Variants in ZC3H12D observed in about 807,000 individuals in gnomAD.
ZC3H12D encodes probable ribonuclease ZC3H12D.
Under a neutral mutation model 24.2 loss-of-function variants are expected in ZC3H12D, and 11 were observed. The observed-to-expected ratio is 0.46, with a 90% confidence interval of 0.29 to 0.75. The LOEUF is 0.75. Ranked by LOEUF, ZC3H12D falls within the 30% of genes least tolerant of loss-of-function variation. The pLI is 0.11. For synonymous variants in ZC3H12D, 333 were observed against 341.8 expected (o/e 0.97, Z 0.28); for missense variants, 740 against 767.7 (o/e 0.96, Z 0.43).
chr6:149,475,896 T>G (rs1776332560), intron 1 of ZC3H12D, among the ~76,000 whole-genome samples: 1 of 152,144 alleles, frequency 6.6e-6, no homozygotes, highest in South Asian at 2.1e-4. Flanking sequence ...CTCTCTTTTC[T>G]ACCCACAAAG....
intron 1 of ZC3H12D, among the ~76,000 whole-genome samples, chr6:149,476,276 G>A (rs917881757): frequency 6.6e-6 from 1 of 152,222 alleles, no homozygotes; most frequent in African/African-American, 2.4e-5. Context: ...GGAGGCTGAT[G>A]TGGGTGGATC....
At chr6:149,468,330 C>T (rs1008035128) in intron 2 of ZC3H12D, among the ~76,000 whole-genome samples, 26 of 152,172 alleles carry the variant, frequency 1.7e-4, no homozygotes, top group Admixed American at 1.3e-3. Flanking sequence ...AGTGGGTTGG[C>T]ACCCAAGGCA....
At chr6:149,454,955 C>A (rs1775956297) in intron 4 of ZC3H12D, among the ~76,000 whole-genome samples, 1 of 152,236 alleles carries the variant, frequency 6.6e-6, no homozygotes, top group Admixed American at 6.5e-5. Flanking sequence ...CACAGTACCC[C>A]CTGCTGCACC....
chr6:149,484,662 G>T (rs1322791197), intron 1 of ZC3H12D, among the ~76,000 whole-genome samples, 151 bp downstream of exon 1: 1 of 152,148 alleles, frequency 6.6e-6, no homozygotes, highest in Non-Finnish European at 1.5e-5. Context: ...TGAGAAATCA[G>T]ATTGTTCAGG....
At chr6:149,461,472 A>G (rs371072379) in intron 3 of ZC3H12D, among the ~76,000 whole-genome samples, 3 of 152,232 alleles carry the variant, frequency 2.0e-5, no homozygotes, top group East Asian at 1.9e-4. Flanking sequence ...CAAATCCTAT[A>G]AACTATTAGA....
At chr6:149,482,081 C>A (rs1206856126) in intron 1 of ZC3H12D, among the ~76,000 whole-genome samples, 1 of 152,248 alleles carries the variant, frequency 6.6e-6, no homozygotes, top group Non-Finnish European at 1.5e-5. Flanking sequence ...GGGGCACAGC[C>A]CACAGCCCGT....
intron 3 of ZC3H12D, 107 bp downstream of exon 3, chr6:149,461,724 C>A: frequency 7.8e-7 from 1 of 1,284,090 alleles, no homozygotes; most frequent in African/African-American, 1.5e-5. Context: ...GTGAGGAAGA[C>A]AAATATCATT....
intron 3 of ZC3H12D, among the ~76,000 whole-genome samples, chr6:149,460,692 T>A (rs1481196386): frequency 6.6e-6 from 1 of 151,992 alleles, no homozygotes; most frequent in African/African-American, 2.4e-5. Flanking sequence ...TAGCTGGGCG[T>A]GGTGGCACGC....
At chr6:149,463,110 T>G (rs1469696624) in intron 2 of ZC3H12D, among the ~76,000 whole-genome samples, 4 of 152,206 alleles carry the variant, frequency 2.6e-5, no homozygotes, top group Non-Finnish European at 5.9e-5. Flanking sequence ...CAAGACCCTC[T>G]CTTTAACTGA....
chr6:149,481,143 G>T (rs1776420286), intron 1 of ZC3H12D, among the ~76,000 whole-genome samples: 1 of 151,724 alleles, frequency 6.6e-6, no homozygotes. Context: ...TGCATCACAG[G>T]CAAACCCCAC....
Position 149,451,181 on chromosome 6 carries a change from G to T in ZC3H12D, c.1086C>A (p.Leu362=). The T allele has an allele frequency of 7.6e-7, 1 of 1,313,116 alleles. No homozygotes were observed. Among genetic ancestry groups the T allele is most frequent in the Non-Finnish European group, 9.6e-7 (1 of 1,037,068 alleles). 81.3% of individuals were successfully genotyped at this position (1,313,116 alleles called of 1,614,324 possible). A position where few individuals can be genotyped will look rare whatever the true frequency, so the allele number is the denominator to read the frequency against. The change falls in exon 6 of 6, where the codon CTC becomes CTA. Residue 362 remains leucine, a synonymous_variant. Transcript: ENST00000409806. ...GCGTGAGGCTGCAGGCGGGGACCGG[G>T]AGAGGCGGCCCCAGGGGCCCCAGGT... ...SDDLGPLGPP[L]PVPACSLTPR...
rs375667797 is a variant in ZC3H12D at position 149,450,902 on chromosome 6, C to T, written c.1365G>A (p.Pro455=). The T allele has an allele frequency of 2.3e-5, 36 of 1,540,286 alleles. No individual in the cohort carries two copies. The highest frequency in any genetic ancestry group is 9.8e-5 in the East Asian group (4 of 40,900). The change falls in exon 6 of 6, where the codon CCG becomes CCA. Residue 455 remains proline (P), a synonymous_variant. Transcript: ENST00000409806. ...RFPGRSVWAE[P]AWGDGATGGL... is the part of the protein sequence containing the mutation. ...CCCCAGTGGCGCCGTCGCCCCAGGC[C>T]GGCTCCGCCCAGACGGAGCGCCCAG...
In ZC3H12D at chr6:149,448,884, A is replaced by G. The variant is rs779679023; in HGVS notation, c.*1799T>C. 5 of 152,284 alleles carry G rather than the reference A, an allele frequency of 3.3e-5. No individual in the cohort carries two copies. The highest frequency in any genetic ancestry group is 5.9e-5 in the Non-Finnish European group (4 of 68,072). 9.4% of individuals were successfully genotyped at this position (152,284 alleles called of 1,614,324 possible). A position where few individuals can be genotyped will look rare whatever the true frequency, so the allele number is the denominator to read the frequency against. The stretch of plus-strand genomic sequence containing the variant: ...TGAAATCTGGTAGTAAACTGGCAAG[A>G]GTTCCCTCTGCACCAGCAGGCTGCA... On this transcript the variant is annotated 3_prime_UTR_variant, in exon 6 of 6. Coordinates refer to ENST00000409806, the MANE Select transcript of ZC3H12D (RefSeq NM_207360.3).
intron 3 of ZC3H12D, chr6:149,459,557 C>A: frequency 1.4e-6 from 1 of 717,036 alleles, no homozygotes; most frequent in Non-Finnish European, 2.6e-6. Context: ...TCTTGGAGCA[C>A]TTCTGGTGGT....
At chr6:149,458,459 A>G (rs572067697) in intron 3 of ZC3H12D, among the ~76,000 whole-genome samples, 5 of 152,064 alleles carry the variant, frequency 3.3e-5, no homozygotes, top group Admixed American at 6.5e-5. Flanking sequence ...GTGTGGTTAC[A>G]CATCAGACTT....
In ZC3H12D at chr6:149,450,857, G is replaced by A. The variant is rs1775878013; in HGVS notation, c.1410C>T (p.Thr470=). 4 of 1,543,610 alleles carry A rather than the reference G, an allele frequency of 2.6e-6. No individual in the cohort carries two copies. The East Asian group carries it at 7.3e-5, about 28-fold the overall frequency. ...CGCGCGCGTCCCCCTCGTCGTCCTC[G>A]GTCGCGTACACTGAAAGTCCCCCAG... The part of the protein sequence containing the change: ...GATGGLSVYA[T]EDDEGDARAR... Residue 470 remains threonine, a synonymous_variant, in exon 6 of 6, where the codon ACC becomes ACT. Transcript: ENST00000409806.
chr6:149,455,222 G>C (rs777857222), intron 4 of ZC3H12D, among the ~76,000 whole-genome samples: 8 of 152,032 alleles, frequency 5.3e-5, no homozygotes, highest in Admixed American at 5.2e-4. Context: ...CTGCTCAGCC[G>C]TGTGCAAGCA....
At chr6:149,467,976 GT>G (rs2115008882) in intron 2 of ZC3H12D, among the ~76,000 whole-genome samples, 1 of 152,114 alleles carries the variant, frequency 6.6e-6, no homozygotes, top group Non-Finnish European at 1.5e-5. Context: ...TGGGAGTTTT[GT>G]TTTTGTTTTC....
chr6:149,451,603 C>T (rs1583182946), intron 5 of ZC3H12D, 124 bp from the exon 6 acceptor site: 1 of 834,260 alleles, frequency 1.2e-6, no homozygotes, highest in East Asian at 3.4e-5. Flanking sequence ...CCAAGCAGGC[C>T]CCCAGGCCGC....
Sources: allele counts gnomAD v4.1 joint callset (sites outside exome capture counted in the v4.1 genomes callset), GRCh38; gene constraint gnomAD v4.1.1; transcripts MANE v1.5; gene names NCBI Gene and HGNC (gene_info 2026-07-23, HGNC 2026-07-21).